Variants in NAV2 observed in about 807,000 individuals in gnomAD.
The protein encoded by NAV2 is neuron navigator 2.
In NAV2, 54 loss-of-function variants were observed where a neutral mutation model predicts 223.2. That is an observed-to-expected ratio of 0.24 (90% CI 0.19 to 0.30). The LOEUF (loss-of-function observed/expected upper bound fraction) is 0.30, where lower values mean the gene tolerates loss of function less well. Ranked by LOEUF, NAV2 falls within the 10% of genes least tolerant of loss-of-function variation. NAV2 has a pLI of 1.00. For synonymous variants in NAV2, 1,279 were observed against 1,239.3 expected (o/e 1.03, Z -0.67); for missense variants, 2,806 against 3,147.5 (o/e 0.89, Z 2.60).
At chr11:20,031,615 G>A (rs2055747409) in intron 11 of NAV2, among the ~76,000 whole-genome samples, 1 of 152,206 alleles carries the variant, frequency 6.6e-6, no homozygotes, top group Admixed American at 6.5e-5. Context: ...CGATGTCAAA[G>A]GCACACTTCC....
chr11:19,823,632 T>C (rs1232598093), intron 1 of NAV2, among the ~76,000 whole-genome samples: 1 of 152,192 alleles, frequency 6.6e-6, no homozygotes, highest in East Asian at 1.9e-4. Flanking sequence ...TGAGCCACTG[T>C]GCCCAGCTTA....
chr11:20,106,175 A>ATATATATATATGTGTGTGTGTGTGTGTG lies in NAV2; in HGVS notation c.6841+449_6841+450insATATATATATGTGTGTGTGTGTGTGTGT, dbSNP rs11267537. 1.5e-3 allele frequency among the ~76,000 whole-genome samples: 53 copies of ATATATATATATGTGTGTGTGTGTGTGTG among 35,798 alleles called. 7 individuals are homozygous for ATATATATATATGTGTGTGTGTGTGTGTG. Among genetic ancestry groups the ATATATATATATGTGTGTGTGTGTGTGTG allele is most frequent in the East Asian group, 5.3e-3 (5 of 940 alleles). 23.5% of individuals were successfully genotyped at this position (35,798 alleles called of 152,430 possible). On this transcript the variant is annotated intron_variant, in intron 35 of 37. Coordinates refer to ENST00000349880, the MANE Select transcript of NAV2 (RefSeq NM_145117.5). Reference sequence around the variant, plus strand: ...TGTGTGTATATATATATATATATATATGTGTGTGTATATATATATATATAT... The same window carrying ATATATATATATGTGTGTGTGTGTGTGTG: ...TGTGTGTATATATATATATATATATATATATATATATGTGTGTGTGTGTGTGTGTGTGTGTGTATATATATATATATAT...
In NAV2 at chr11:20,118,226, A is replaced by T. The variant is rs2063295680; in HGVS notation, c.7258A>T (p.Ile2420Phe). Reference protein sequence around the residue: ...DSNSNSHHDDILDSSLESTL With the variant: ...DSNSNSHHDDFLDSSLESTL ...CAACAGCAACAGCCATCACGATGAC[A>T]TCTTGGACTCCTCTTTGGAGTCCAC... The change falls in exon 38 of 38, where the codon ATC becomes TTC. Residue 2420 changes from isoleucine (I) to phenylalanine (F), a missense_variant. Ile to Phe is a conservative substitution (Grantham distance 21). Around this residue, in one of 4 missense-constraint regions of NAV2, gnomAD observed 824 missense variants for 1,069.4 expected, o/e 0.77. Transcript: ENST00000349880. The T allele has an allele frequency of 3.7e-6, 6 of 1,614,046 alleles. No individual in the cohort carries two copies. In the Middle Eastern group the frequency reaches 6.6e-4, roughly 178 times the overall value.
At chr11:19,497,895 T>C (rs1159465269) in intron 1 of NAV2, among the ~76,000 whole-genome samples, 1 of 152,176 alleles carries the variant, frequency 6.6e-6, no homozygotes, top group Non-Finnish European at 1.5e-5. Flanking sequence ...CAGCAGACTC[T>C]AGGAAGAAGG....
At chr11:20,082,450 GA>G in intron 25 of NAV2, 1 of 770,728 alleles carries the variant, frequency 1.3e-6, no homozygotes, top group Admixed American at 2.0e-5. Flanking sequence ...GTTCCTACTG[GA>G]AACCTCCCCT....
At chr11:19,945,607 A>G (rs1027696814) in intron 8 of NAV2, among the ~76,000 whole-genome samples, 3 of 152,248 alleles carry the variant, frequency 2.0e-5, no homozygotes, top group African/African-American at 4.8e-5. Flanking sequence ...GGCTTCCTAA[A>G]TGCTGGGATT....
chr11:20,114,376 C>G, intron 36 of NAV2: 1 of 587,720 alleles, frequency 1.7e-6, no homozygotes, highest in Non-Finnish European at 3.0e-6. Context: ...GACTCCAAAG[C>G]CTGTATTCTA....
At chr11:19,843,279 C>G (rs2060605381) in intron 3 of NAV2, among the ~76,000 whole-genome samples, 2 of 152,164 alleles carry the variant, frequency 1.3e-5, no homozygotes, top group African/African-American at 4.8e-5. Context: ...GTGTATGGAG[C>G]TGAGGCACGG....
rs561332329 is a variant in NAV2, at chr11:20,023,100, T to C, written c.2769-12859T>C. 4.5e-6 allele frequency: 7 copies of C among 1,551,886 alleles called. No individual in the cohort carries two copies. In the South Asian group the frequency reaches 7.1e-5, roughly 16 times the overall value. ...CCGCTGTTCTCCAAGGGCCGCAATG[T>C]AGTGAAATGCTCTGGCCTAGGAACC... is the stretch of plus-strand genomic sequence containing the variant. On this transcript the variant is annotated intron_variant, in intron 11 of 37. Transcript: ENST00000349880.
intron 6 of NAV2, among the ~76,000 whole-genome samples, chr11:19,907,528 G>T (rs61877297): frequency 1.2e-4 from 3 of 25,524 alleles, no homozygotes; most frequent in African/African-American, 3.0e-4. Context: ...CACTCATAGG[G>T]GGAGGGGGAA....
intron 1 of NAV2, among the ~76,000 whole-genome samples, chr11:19,806,959 G>A (rs1036121537): frequency 2.6e-5 from 4 of 152,148 alleles, no homozygotes; most frequent in Admixed American, 2.6e-4. Flanking sequence ...AGAAAAATGG[G>A]CATCCAAACC....
chr11:19,693,645 C>T (rs188398334), intron 1 of NAV2, among the ~76,000 whole-genome samples: 4 of 152,338 alleles, frequency 2.6e-5, no homozygotes, highest in Admixed American at 2.6e-4. Context: ...CACCCACACC[C>T]CTGCCCTTTC....
rs537573550 is a variant in NAV2 at position 19,902,384 on chromosome 11, ATGTT to A, written c.931+9798_931+9801del. Among the ~76,000 whole-genome samples, 113 of 152,316 alleles carry A rather than the reference ATGTT, an allele frequency of 7.4e-4. 1 individual carries two copies. The South Asian group carries it at 0.023, about 31-fold the overall frequency. The stretch of plus-strand genomic sequence containing the variant: ...TTTCACAGAGAAGAAGAATGCCACC[ATGTT>A]TGTTTGTCTCTAAATATGGATACAT... On this transcript the variant is annotated intron_variant, in intron 6 of 37. Coordinates refer to ENST00000349880, the MANE Select transcript of NAV2 (RefSeq NM_145117.5).
At chr11:19,630,939 G>GAAAAAAAAA (rs1199246744) in intron 1 of NAV2, among the ~76,000 whole-genome samples, 1 of 113,350 alleles carries the variant, frequency 8.8e-6, no homozygotes. Context: ...AAAAAAAAAG[G>GAAAAAAAAA]AAAAAAGAAA....
intron 1 of NAV2, among the ~76,000 whole-genome samples, chr11:19,772,450 G>A (rs533912010): frequency 6.6e-6 from 1 of 152,300 alleles, no homozygotes; most frequent in African/African-American, 2.4e-5. Flanking sequence ...CAGTATTGCT[G>A]TGATGAGGTA....
At chr11:19,838,349 T>C (rs2060340295) in intron 2 of NAV2, among the ~76,000 whole-genome samples, 1 of 151,798 alleles carries the variant, frequency 6.6e-6, no homozygotes, top group South Asian at 2.1e-4. Context: ...CACAGAAAGG[T>C]TCCTCAAGGA....
At chr11:19,591,940 A>C (rs2046074411) in intron 1 of NAV2, among the ~76,000 whole-genome samples, 1 of 152,186 alleles carries the variant, frequency 6.6e-6, no homozygotes, top group African/African-American at 2.4e-5. Context: ...CTTCCAAGGC[A>C]GGCTATGGAG....
At chr11:19,441,563 G>A (rs1237946037) in intron 1 of NAV2, among the ~76,000 whole-genome samples, 1 of 152,104 alleles carries the variant, frequency 6.6e-6, no homozygotes, top group Non-Finnish European at 1.5e-5. Context: ...GTCATTGCAC[G>A]TCATTTCTTC....
In NAV2 at chr11:19,450,770, G is replaced by A. The variant is rs546264277; in HGVS notation, c.75+99743G>A. The stretch of plus-strand genomic sequence containing the variant: ...TTAATCAGTTTGGTTTGGCAGGGAC[G>A]CGTTTGTGTAGAGTTTTCACCAAAT... On this transcript the variant is annotated intron_variant, in intron 1 of 37. Transcript: ENST00000360655. 5.3e-5 allele frequency among the ~76,000 whole-genome samples: 8 copies of A among 152,232 alleles called. No homozygotes were observed. In the South Asian group the frequency reaches 6.2e-4, roughly 12 times the overall value.
Sources: gnomAD v4.1 joint callset for allele counts (sites outside exome capture counted in the v4.1 genomes callset) on GRCh38, gnomAD v4.1.1 for gene constraint, gnomAD v4.1.1 regional missense constraint, MANE v1.5 for transcripts, NCBI Gene and HGNC (gene_info 2026-07-23, HGNC 2026-07-21) for gene names.